KCNN2: variants seen among roughly 807,000 people sequenced by gnomAD.
The protein encoded by KCNN2 is small conductance calcium-activated potassium channel protein 2.
In KCNN2, 24 loss-of-function variants were observed where a neutral mutation model predicts 55.5. That is an observed-to-expected ratio of 0.43 (90% CI 0.31 to 0.61). The LOEUF (loss-of-function observed/expected upper bound fraction) is 0.61, where lower values mean the gene tolerates loss of function less well. Among genes scored for constraint, KCNN2 ranks in the 20% least tolerant of loss-of-function variants. The pLI, the probability that KCNN2 is intolerant of heterozygous loss-of-function variation, is 0.08. For missense variants in KCNN2, 754 were observed against 853.6 expected, an observed-to-expected ratio of 0.88 and a Z score of 1.45; for synonymous variants, 431 against 336.1, an observed-to-expected ratio of 1.28 and a Z score of -3.09.
At chr5:114,093,405 C>T (rs541104826) in intron 1 of KCNN2, among the ~76,000 whole-genome samples, 1 of 152,302 alleles carries the variant, frequency 6.6e-6, no homozygotes, top group Non-Finnish European at 1.5e-5. Context: ...CTGAGCCCTC[C>T]AAACTGTTCC....
chr5:114,374,870 C>T (rs552452467), intron 2 of KCNN2, among the ~76,000 whole-genome samples: 23 of 152,122 alleles, frequency 1.5e-4, no homozygotes, highest in East Asian at 3.9e-4. Flanking sequence ...TGTAGCTATC[C>T]GTAGTGATTA....
chr5:114,177,360 A>G (rs546982827), intron 1 of KCNN2, among the ~76,000 whole-genome samples: 4 of 152,158 alleles, frequency 2.6e-5, no homozygotes, highest in East Asian at 3.9e-4. Flanking sequence ...GATGGTCTCG[A>G]TCTCCTGACC....
rs200646371 is a variant in KCNN2, at chr5:114,279,452, C to A, written c.-185+57887C>A. Among the ~76,000 whole-genome samples the A allele has an allele frequency of 1.3e-4, 20 of 152,122 alleles. No individual in the cohort carries two copies. In the East Asian group the frequency reaches 3.7e-3, roughly 28 times the overall value. On this transcript the variant is annotated intron_variant, in intron 2 of 10. Transcript: ENST00000512097. ...TCTCCTAATGCTATCCCTCCCTGCTCCCCCCACCCCACAACAGGCCCCAGT... is the reference window on the plus strand; with the variant it reads ...TCTCCTAATGCTATCCCTCCCTGCTACCCCCACCCCACAACAGGCCCCAGT...
At chr5:114,155,505 C>A (rs572715799) in intron 1 of KCNN2, among the ~76,000 whole-genome samples, 1 of 152,308 alleles carries the variant, frequency 6.6e-6, no homozygotes, top group African/African-American at 2.4e-5. Context: ...CTCCCTTCAA[C>A]AGTGTATAAA....
chr5:114,382,081 C>G (rs548738561), intron 2 of KCNN2, among the ~76,000 whole-genome samples: 1 of 152,264 alleles, frequency 6.6e-6, no homozygotes, highest in African/African-American at 2.4e-5. Flanking sequence ...GGTTAATGTT[C>G]TCTCCTGTAT....
intron 5 of KCNN2, among the ~76,000 whole-genome samples, chr5:114,481,297 T>C (rs1364341531): frequency 6.6e-6 from 1 of 152,040 alleles, no homozygotes; most frequent in Non-Finnish European, 1.5e-5. Flanking sequence ...ACAAGGGAAA[T>C]GAAGGACCTC....
chr5:114,379,549 T>C (rs1482467862), intron 2 of KCNN2, among the ~76,000 whole-genome samples: 17 of 89,948 alleles, frequency 1.9e-4, no homozygotes, highest in African/African-American at 9.5e-4. Context: ...TATTATAGAA[T>C]ATATTATATA....
chr5:114,209,415 G>T (rs546149743), intron 1 of KCNN2, among the ~76,000 whole-genome samples: 1 of 151,636 alleles, frequency 6.6e-6, no homozygotes, highest in Non-Finnish European at 1.5e-5. Context: ...ATTGGTTTTG[G>T]AGCTTCTTTG....
chr5:114,204,136 A>C (rs1168160002), intron 1 of KCNN2, among the ~76,000 whole-genome samples: 1 of 152,122 alleles, frequency 6.6e-6, no homozygotes, highest in Non-Finnish European at 1.5e-5. Context: ...GTGCTTTTGC[A>C]TAAGGAACTA....
chr5:114,370,433 G>C (rs1270587774), intron 2 of KCNN2, among the ~76,000 whole-genome samples: 3 of 152,076 alleles, frequency 2.0e-5, no homozygotes, highest in Non-Finnish European at 2.9e-5. Context: ...AAGGAGGAGG[G>C]GTTAAAGAGA....
chr5:114,264,130 C>G (rs1348664468), intron 2 of KCNN2, among the ~76,000 whole-genome samples: 1 of 152,140 alleles, frequency 6.6e-6, no homozygotes, highest in East Asian at 1.9e-4. Flanking sequence ...TCAATTCTGT[C>G]TTGTAGTTGG....
chr5:114,318,961 C>A (rs1756558379), intron 2 of KCNN2, among the ~76,000 whole-genome samples: 2 of 150,018 alleles, frequency 1.3e-5, no homozygotes, highest in African/African-American at 2.4e-5. Context: ...AACTGAGGCT[C>A]AAAGATACTG....
intron 2 of KCNN2, among the ~76,000 whole-genome samples, chr5:114,382,782 A>G (rs991908124): frequency 3.9e-5 from 6 of 152,222 alleles, no homozygotes; most frequent in African/African-American, 1.4e-4. Context: ...AACTCCAGTC[A>G]TATGCCCAAC....
chr5:114,258,353 C>A (rs1445965871), intron 2 of KCNN2, among the ~76,000 whole-genome samples: 1 of 152,062 alleles, frequency 6.6e-6, no homozygotes, highest in African/African-American at 2.4e-5. Context: ...GTGACATTGG[C>A]TTCTAGAATG....
At chr5:114,393,586 A>C (rs1373773438) in intron 2 of KCNN2, among the ~76,000 whole-genome samples, 1 of 152,088 alleles carries the variant, frequency 6.6e-6, no homozygotes, top group Non-Finnish European at 1.5e-5. Context: ...CAAAGTAAAA[A>C]AAAAGCATTA....
chr5:114,404,533 T>C lies in KCNN2; in HGVS notation c.1314T>C (p.Ile438=). ...GCTTGGAAATACTGGTGTGTGCTAT[T>C]CATCCCATACCTGGGAATTATACAT... ...FICLEILVCA[I]HPIPGNYTFT... Residue 438 remains isoleucine, a synonymous_variant, in exon 3 of 8, where the codon ATT becomes ATC. Transcript: ENST00000673685. 6.2e-7 allele frequency: 1 copy of C among 1,613,402 alleles called. No homozygotes were observed. The highest frequency in any genetic ancestry group is 8.5e-7 in the Non-Finnish European group (1 of 1,179,568).
chr5:114,373,640 T>TTTTATATATATATATATATATATA (rs536849367), intron 2 of KCNN2, among the ~76,000 whole-genome samples: 18 of 56,698 alleles, frequency 3.2e-4, no homozygotes, highest in African/African-American at 9.5e-4. Flanking sequence ...TATGAAGATT[T>TTTTATATATATATATATATATATA]TATATATATA....
At chr5:114,309,334 G>A (rs1756351906) in intron 2 of KCNN2, among the ~76,000 whole-genome samples, 1 of 152,122 alleles carries the variant, frequency 6.6e-6, no homozygotes, top group Admixed American at 6.6e-5. Context: ...CCAGCATTCA[G>A]CTTTATTGCT....
intron 2 of KCNN2, among the ~76,000 whole-genome samples, chr5:114,289,836 C>T (rs891613473): frequency 1.8e-4 from 28 of 152,164 alleles, no homozygotes; most frequent in African/African-American, 6.5e-4. Context: ...TTAAAATTTC[C>T]TTCAGCAATG....
Sources: allele counts gnomAD v4.1 joint callset (sites outside exome capture counted in the v4.1 genomes callset), GRCh38; gene constraint gnomAD v4.1.1; transcripts MANE v1.5; gene names NCBI Gene and HGNC (gene_info 2026-07-23, HGNC 2026-07-21).